MXRA7: variants seen among roughly 807,000 people sequenced by gnomAD.
MXRA7 encodes matrix remodeling associated 7, also known as matrix-remodeling-associated protein 7.
In MXRA7, 18 loss-of-function variants were observed where a neutral mutation model predicts 17.4. The observed-to-expected ratio is 1.03, with a 90% confidence interval of 0.71 to 1.53. MXRA7 has a LOEUF of 1.53. Ranked by LOEUF, MXRA7 falls within the 40% of genes most tolerant of loss-of-function variation. MXRA7 has a pLI of 0.00. For missense variants in MXRA7, 141 were observed against 209.3 expected (o/e 0.67, Z 2.01); for synonymous variants, 70 against 101.7 (o/e 0.69, Z 1.87).
intron 3 of MXRA7, among the ~76,000 whole-genome samples, chr17:76,683,108 C>T (rs1286556867): frequency 6.6e-6 from 1 of 152,244 alleles, no homozygotes; most frequent in Non-Finnish European, 1.5e-5. Flanking sequence ...CCAGATCCAT[C>T]TGCCTGAGCA....
chr17:76,700,165 T>C (rs1187717453), intron 1 of MXRA7, among the ~76,000 whole-genome samples: 1 of 152,122 alleles, frequency 6.6e-6, no homozygotes, highest in African/African-American at 2.4e-5. Context: ...ACAGACTGGG[T>C]TTTGCCACGT....
Position 76,684,627 on chromosome 17 carries a change from G to A in MXRA7, c.500+445C>T, listed in dbSNP as rs115724502. 517 of 403,410 alleles carry A rather than the reference G, an allele frequency of 1.3e-3. 4 individuals are homozygous for A. Among genetic ancestry groups the A allele is most frequent in the African/African-American group, 0.01 (486 of 47,474 alleles). 25.0% of individuals were successfully genotyped at this position (403,410 alleles called of 1,614,324 possible). On this transcript the variant is annotated intron_variant, in intron 3 of 3. Coordinates refer to ENST00000449428, the MANE Select transcript of MXRA7 (RefSeq NM_198530.4). ...GCTACAAGGCGCTGCTGCAGGCGCC[G>A]GCCTGGGAGGCCGCTGAAGGATGAG...
intron 1 of MXRA7, among the ~76,000 whole-genome samples, chr17:76,706,770 TC>T (rs1053905215): frequency 3.3e-5 from 5 of 152,236 alleles, no homozygotes; most frequent in Admixed American, 2.0e-4. Flanking sequence ...CCAAGAAATT[TC>T]CCAAAGAAGA....
At chr17:76,678,650 C>G (rs971447636), downstream of MXRA7, among the ~76,000 whole-genome samples, 6 of 152,218 alleles carry the variant, frequency 3.9e-5, no homozygotes, top group African/African-American at 1.4e-4. Flanking sequence ...AGTGTCGGAC[C>G]TCTCAGCCCT....
intron 1 of MXRA7, among the ~76,000 whole-genome samples, chr17:76,695,800 T>C (rs755679299): frequency 2.6e-5 from 4 of 151,836 alleles, no homozygotes; most frequent in Admixed American, 6.6e-5. Context: ...CAGTCAGAAA[T>C]AGTGTGCAGA....
downstream of MXRA7, among the ~76,000 whole-genome samples, chr17:76,678,438 C>T (rs898462695): frequency 3.9e-5 from 6 of 152,004 alleles, no homozygotes; most frequent in African/African-American, 1.2e-4. Flanking sequence ...ACAACTTCTG[C>T]AGCACAAACA....
intron 1 of MXRA7, among the ~76,000 whole-genome samples, chr17:76,696,668 CT>C (rs1195014731): frequency 1.3e-5 from 2 of 152,198 alleles, no homozygotes; most frequent in Non-Finnish European, 2.9e-5. Context: ...GCAGGAGGAA[CT>C]ATGAGAAGAG....
chr17:76,678,244 A>G (rs1382696552), downstream of MXRA7, among the ~76,000 whole-genome samples: 1 of 152,156 alleles, frequency 6.6e-6, no homozygotes, highest in Non-Finnish European at 1.5e-5. Flanking sequence ...CTGGCCAGAG[A>G]AAGGGGGGTG....
chr17:76,702,516 AAAGAAG>A (rs149456126), intron 1 of MXRA7, among the ~76,000 whole-genome samples: 12 of 151,630 alleles, frequency 7.9e-5, no homozygotes, highest in East Asian at 1.9e-4. Context: ...TAAATAAATA[AAAGAAG>A]AAGAAGAAGA....
At chr17:76,699,799 T>C (rs2076571861) in intron 1 of MXRA7, among the ~76,000 whole-genome samples, 1 of 152,128 alleles carries the variant, frequency 6.6e-6, no homozygotes, top group Admixed American at 6.5e-5. Flanking sequence ...GGAGGCCCTT[T>C]AATTCTACCC....
At chr17:76,672,918 G>A (rs1341423044) in exon 4 of MXRA7, 1 of 152,146 alleles carries the variant, frequency 6.6e-6, no homozygotes, top group East Asian at 1.9e-4. Context: ...AAGAATCTGT[G>A]GCAGTAGGAA....
At chr17:76,704,550 C>G (rs1156280033) in intron 1 of MXRA7, among the ~76,000 whole-genome samples, 4 of 149,388 alleles carry the variant, frequency 2.7e-5, no homozygotes, top group Admixed American at 6.6e-5. Context: ...TTTGGGAGGC[C>G]GAGGCAGGCT....
chr17:76,673,693 T>A (rs1463012869), exon 4 of MXRA7: 1 of 149,244 alleles, frequency 6.7e-6, no homozygotes, highest in Non-Finnish European at 1.5e-5. Flanking sequence ...ATTTTCAAAT[T>A]AAAAAAAAAA....
At chr17:76,703,741 A>AG (rs2076622421) in intron 1 of MXRA7, 1 of 31,090 alleles carries the variant, frequency 3.2e-5, no homozygotes, top group Admixed American at 4.2e-4. Context: ...GTCCTAGCTC[A>AG]AAAAAAAAAG....
intron 1 of MXRA7, among the ~76,000 whole-genome samples, chr17:76,708,969 A>T (rs1726186426): frequency 6.6e-6 from 1 of 152,176 alleles, no homozygotes; most frequent in Admixed American, 6.5e-5. Flanking sequence ...TCAGCTTCAG[A>T]GGACGTGCAT....
downstream of MXRA7, among the ~76,000 whole-genome samples, chr17:76,679,193 C>T (rs1445010139): frequency 4.0e-5 from 6 of 150,432 alleles, no homozygotes; most frequent in South Asian, 2.1e-4. Flanking sequence ...GAGGCTGAGA[C>T]GGGAGGATCA....
chr17:76,680,422 A>G lies in MXRA7; in HGVS notation c.*445T>C. ...GAGCTGGTGAGCACAGGTGAGCTCT[A>G]CCTCATTTGTCTCTCATTCCTCAAA... On this transcript the variant is annotated 3_prime_UTR_variant, in exon 4 of 4. Coordinates refer to ENST00000449428, the MANE Select transcript of MXRA7 (RefSeq NM_198530.4). 1.0e-6 allele frequency: 1 copy of G among 987,690 alleles called. No homozygotes were observed. The highest frequency in any genetic ancestry group is 4.6e-5 in the South Asian group (1 of 21,526). 61.2% of individuals were successfully genotyped at this position (987,690 alleles called of 1,614,324 possible). A position where few individuals can be genotyped will look rare whatever the true frequency, so the allele number is the denominator to read the frequency against.
chr17:76,689,180 C>T (rs1031523522), intron 1 of MXRA7: 1 of 152,240 alleles, frequency 6.6e-6, no homozygotes, highest in African/African-American at 2.4e-5. Context: ...ACGTCTGCCT[C>T]CTGGGTTTAA....
intron 1 of MXRA7, among the ~76,000 whole-genome samples, chr17:76,708,703 C>T (rs1028508726): frequency 1.3e-5 from 2 of 152,156 alleles, no homozygotes; most frequent in African/African-American, 4.8e-5. Flanking sequence ...ATATCTGTGT[C>T]CCCACAGCAC....
Sources: gnomAD v4.1 joint callset for allele counts (sites outside exome capture counted in the v4.1 genomes callset) on GRCh38, gnomAD v4.1.1 for gene constraint, MANE v1.5 for transcripts, NCBI Gene and HGNC (gene_info 2026-07-23, HGNC 2026-07-21) for gene names.